ITPK1: variants seen among roughly 807,000 people sequenced by gnomAD.
ITPK1 encodes the protein inositol-tetrakisphosphate 1-kinase, also known as inositol 1,3,4-trisphosphate 5/6-kinase.
A neutral mutation model predicts 45.3 loss-of-function variants in ITPK1; 21 were observed. The ratio of observed to expected loss-of-function variants is 0.46; its 90% CI spans 0.33 to 0.67. ITPK1 has a LOEUF of 0.67. ITPK1 is among the 30% of genes least tolerant of loss of function. The probability of loss-of-function intolerance (pLI) is 0.02; values close to 1 mark genes in which losing one functional copy is unlikely to be tolerated. For synonymous variants in ITPK1, 258 were observed against 253.6 expected (o/e 1.02, Z -0.16); for missense variants, 474 against 573.5 (o/e 0.83, Z 1.77).
At chr14:93,075,051 C>T (rs1198858870) in intron 3 of ITPK1, among the ~76,000 whole-genome samples, 2 of 152,058 alleles carry the variant, frequency 1.3e-5, no homozygotes, top group Admixed American at 6.6e-5. Context: ...GCAGGTTGGG[C>T]GCGGTGGCTC....
intron 3 of ITPK1, among the ~76,000 whole-genome samples, chr14:93,056,743 G>T (rs1260362643): frequency 6.6e-6 from 1 of 152,148 alleles, no homozygotes; most frequent in Non-Finnish European, 1.5e-5. Context: ...CACAAACAGG[G>T]GGAGCCCAGG....
At chr14:93,004,633 T>C (rs1887522581) in intron 4 of ITPK1, among the ~76,000 whole-genome samples, 1 of 152,022 alleles carries the variant, frequency 6.6e-6, no homozygotes, top group African/African-American at 2.4e-5. Flanking sequence ...TGTGTGTGCG[T>C]GCGTGTGTGG....
intron 3 of ITPK1, among the ~76,000 whole-genome samples, chr14:93,019,806 G>C (rs1267262527): frequency 1.3e-5 from 2 of 152,176 alleles, no homozygotes; most frequent in Admixed American, 1.3e-4. Flanking sequence ...ACTGTGCAGG[G>C]GGATGCCCGG....
At chr14:93,049,829 G>A (rs914756280) in intron 3 of ITPK1, among the ~76,000 whole-genome samples, 13 of 152,156 alleles carry the variant, frequency 8.5e-5, no homozygotes, top group Admixed American at 5.2e-4. Flanking sequence ...TGGATGTGGA[G>A]GGACAGAGGC....
Position 92,993,978 on chromosome 14 carries a change from G to T in ITPK1, c.266C>A (p.Pro89His), listed in dbSNP as rs773660547. 6.2e-7 allele frequency: 1 copy of T among 1,613,198 alleles called. No individual in the cohort carries two copies. The highest frequency in any genetic ancestry group is 1.1e-5 in the South Asian group (1 of 91,064). Residue 89 changes from proline (P) to histidine (H), a missense_variant, in exon 5 of 11, where the codon CCT becomes CAT. Coordinates refer to ENST00000267615, the MANE Select transcript of ITPK1 (RefSeq NM_014216.6). ...HRFQEYIDAH[P>H]ETIVLDPLPA... is the part of the protein sequence containing the mutation. ...GAGCGGGTCCAGGACGATGGTCTCA[G>T]GGTGGGCATCGATGTACTCCTGAAA... is the stretch of plus-strand genomic sequence containing the variant.
intron 5 of ITPK1, among the ~76,000 whole-genome samples, chr14:92,984,495 CT>C (rs1183818372): frequency 6.6e-6 from 1 of 151,900 alleles, no homozygotes; most frequent in Non-Finnish European, 1.5e-5. Flanking sequence ...GGATTTTTTT[CT>C]TTTTTATAGA....
chr14:93,097,155 A>G (rs770089092), intron 2 of ITPK1, among the ~76,000 whole-genome samples: 2 of 152,090 alleles, frequency 1.3e-5, no homozygotes, highest in Non-Finnish European at 2.9e-5. Flanking sequence ...CAACGCGCAG[A>G]CCCGGATCAC....
At position 92,941,759 on chromosome 14, in the gene ITPK1, C is replaced by A. The variant is rs527839338; in HGVS notation, c.1047G>T (p.Leu349=). 1.0e-4 allele frequency: 161 copies of A among 1,604,268 alleles called. No homozygotes were observed. The highest frequency in any genetic ancestry group is 1.3e-4 in the Non-Finnish European group (156 of 1,176,906). Residue 349 remains leucine, a synonymous_variant, in exon 11 of 11, where the codon CTG becomes CTT. Transcript: ENST00000267615. ...SKLLAEPAGG[L]VGERTCSASP... is the part of the protein sequence containing the mutation. ...TGGCGCTGCATGTCCGCTCGCCCAC[C>A]AGGCCGCCCGCCGGCTCGGCCAGAA...
intron 5 of ITPK1, among the ~76,000 whole-genome samples, chr14:92,990,661 G>A (rs1333149349): frequency 2.0e-5 from 3 of 152,154 alleles, no homozygotes; most frequent in Non-Finnish European, 2.9e-5. Flanking sequence ...CAGGCTGCCC[G>A]GAGACAGCGA....
rs1440645796 is a variant in ITPK1 at position 92,941,258 on chromosome 14, C to T, written c.*303G>A. 7.3e-7 allele frequency: 1 copy of T among 1,365,110 alleles called. No individual in the cohort carries two copies. Among genetic ancestry groups the T allele is most frequent in the African/African-American group, 1.5e-5 (1 of 67,642 alleles). 84.6% of individuals were successfully genotyped at this position (1,365,110 alleles called of 1,614,324 possible). A position where few individuals can be genotyped will look rare whatever the true frequency, so the allele number is the denominator to read the frequency against. On this transcript the variant is annotated 3_prime_UTR_variant, in exon 11 of 11. Transcript: ENST00000267615. ...GACACTGGCATGGCAGCCATACGCA[C>T]ACCCCTCACCTCCCATCCAGACCTA...
chr14:93,081,153 G>A (rs1891419765), intron 2 of ITPK1, among the ~76,000 whole-genome samples: 1 of 151,724 alleles, frequency 6.6e-6, no homozygotes, highest in African/African-American at 2.4e-5. Context: ...TGGCCAACAT[G>A]GTAAAACCTC....
At chr14:92,977,214 C>T (rs1033553770) in intron 5 of ITPK1, among the ~76,000 whole-genome samples, 2 of 152,244 alleles carry the variant, frequency 1.3e-5, no homozygotes, top group African/African-American at 4.8e-5. Flanking sequence ...TTATCGTCAT[C>T]ATCATCACTG....
chr14:93,002,161 C>A (rs1056821242), intron 4 of ITPK1, among the ~76,000 whole-genome samples: 1 of 152,090 alleles, frequency 6.6e-6, no homozygotes, highest in Non-Finnish European at 1.5e-5. Flanking sequence ...CAAGACCAGC[C>A]TGGGCAACAT....
intron 5 of ITPK1, among the ~76,000 whole-genome samples, chr14:92,988,384 C>T (rs1384791766): frequency 6.6e-6 from 1 of 152,224 alleles, no homozygotes; most frequent in Non-Finnish European, 1.5e-5. Flanking sequence ...GAGTGAACAA[C>T]TCAGGGGAGA....
chr14:93,016,588 C>T lies in ITPK1; in HGVS notation c.246+88G>A. The T allele has an allele frequency of 6.9e-7, 1 of 1,444,464 alleles. No individual in the cohort carries two copies. 89.5% of individuals were successfully genotyped at this position (1,444,464 alleles called of 1,614,324 possible). ...AGACTATACCTCCAGAGAGCTGCTA[C>T]CGCCCTAAATACACACACGGCCATT... On this transcript the variant is annotated intron_variant, in intron 4 of 10. Transcript: ENST00000267615. This position sits in a 1 kb window ranked among gnomAD's most constrained non-coding sequence, Gnocchi z 5.0.
chr14:93,066,505 C>T (rs560088375), intron 3 of ITPK1: 44 of 319,860 alleles, frequency 1.4e-4, no homozygotes, highest in South Asian at 1.0e-3. Flanking sequence ...CCCGCGTTCG[C>T]GCCATTCTCC....
intron 3 of ITPK1, among the ~76,000 whole-genome samples, chr14:93,065,197 C>G (rs1184728273): frequency 7.2e-5 from 11 of 152,214 alleles, no homozygotes; most frequent in Admixed American, 7.2e-4. Flanking sequence ...CCTGGTCAGC[C>G]CTGCTTTAGC....
At chr14:93,073,423 C>T (rs775175764) in intron 3 of ITPK1, among the ~76,000 whole-genome samples, 3 of 152,230 alleles carry the variant, frequency 2.0e-5, no homozygotes, top group Non-Finnish European at 4.4e-5. Context: ...CTTAAATATG[C>T]TCCCACACCC....
chr14:92,964,729 A>C (rs1885258423), intron 5 of ITPK1, among the ~76,000 whole-genome samples: 1 of 152,148 alleles, frequency 6.6e-6, no homozygotes, highest in African/African-American at 2.4e-5. Flanking sequence ...CTCCTGGAAG[A>C]GCTTCCAGAC....
Sources: gnomAD v4.1 joint callset for allele counts (sites outside exome capture counted in the v4.1 genomes callset) on GRCh38, gnomAD v4.1.1 for gene constraint, Gnocchi (gnomAD v3.1) non-coding constraint, MANE v1.5 for transcripts, NCBI Gene and HGNC (gene_info 2026-07-23, HGNC 2026-07-21) for gene names.